The following SNX8 variants were observed in gnomAD, a reference collection of about 807,000 sequenced individuals.
SNX8 encodes sorting nexin 8.
SNX8 carries 25 observed loss-of-function variants against 51.6 expected under a neutral mutation model. That is an observed-to-expected ratio of 0.48 (90% CI 0.35 to 0.68). The LOEUF (loss-of-function observed/expected upper bound fraction) is 0.68. Ranked by LOEUF, SNX8 falls within the 30% of genes least tolerant of loss-of-function variation. The probability of loss-of-function intolerance (pLI) is 0.00; values close to 1 mark genes in which losing one functional copy is unlikely to be tolerated. For missense variants in SNX8, 695 were observed against 624.0 expected (o/e 1.11, Z -1.21); for synonymous variants, 324 against 277.0 (o/e 1.17, Z -1.68).
intron 4 of SNX8, among the ~76,000 whole-genome samples, chr7:2,271,208 C>T (rs1441399062): frequency 6.6e-6 from 1 of 152,156 alleles, no homozygotes; most frequent in African/African-American, 2.4e-5. Flanking sequence ...CATGCCTGGC[C>T]TCAGTTTTGT....
At chr7:2,310,557 G>A (rs1796639919) in intron 1 of SNX8, among the ~76,000 whole-genome samples, 2 of 152,128 alleles carry the variant, frequency 1.3e-5, no homozygotes, top group African/African-American at 4.8e-5. Flanking sequence ...CATGAGGTCA[G>A]GAGATCAAGA....
At chr7:2,326,461 C>T (rs1354386899) in intron 1 of SNX8, among the ~76,000 whole-genome samples, 1 of 151,238 alleles carries the variant, frequency 6.6e-6, no homozygotes, top group African/African-American at 2.4e-5. Context: ...GTCAGGAGAT[C>T]AAGACCATCC....
intron 1 of SNX8, among the ~76,000 whole-genome samples, chr7:2,348,950 CAAAAAAAAA>C (rs60816121): frequency 1.8e-5 from 1 of 55,744 alleles, no homozygotes; most frequent in African/African-American, 7.6e-5. Context: ...GACTCTGTCT[CAAAAAAAAA>C]AAAAAAAAAA....
chr7:2,270,901 CCT>C (rs1226315068), intron 4 of SNX8, among the ~76,000 whole-genome samples: 1 of 152,034 alleles, frequency 6.6e-6, no homozygotes, highest in Non-Finnish European at 1.5e-5. Flanking sequence ...AGCCTGGAAA[CCT>C]CTATTCCAGT....
chr7:2,252,585 C>T lies in SNX8; in HGVS notation c.*2471G>A, dbSNP rs113874332. The T allele has an allele frequency of 0.017, 2,545 of 153,136 alleles. 37 individuals are homozygous for T. The highest frequency in any genetic ancestry group is 0.027 in the Non-Finnish European group (1,869 of 68,622). The allele number at this position is 153,136 out of a possible 1,614,324, so 9.5% of individuals were successfully genotyped here. ...GGGCACACAGGAAGCAGCCACCACA[C>T]GTGGGAGACAGGCTGCCCTCGTCAC... is the stretch of plus-strand genomic sequence containing the variant. On this transcript the variant is annotated 3_prime_UTR_variant, in exon 11 of 11. Coordinates refer to ENST00000222990, the MANE Select transcript of SNX8 (RefSeq NM_013321.4).
In SNX8 at chr7:2,256,907, G is replaced by C. The variant is rs1489643549; in HGVS notation, c.1251C>G (p.Ala417=). The change falls in exon 10 of 11, where the codon GCC becomes GCG. Residue 417 remains alanine, a synonymous_variant. Coordinates refer to ENST00000222990, the MANE Select transcript of SNX8 (RefSeq NM_013321.4). The part of the protein sequence containing the change: ...YLPLTSHILR[A]FVNSQIQGHK... Reference sequence around the variant, plus strand: ...GCCCTTGGATCTGAGAGTTGACGAAGGCGCGGAGGATGTGGGAGGTGAGGG... The same window carrying C: ...GCCCTTGGATCTGAGAGTTGACGAACGCGCGGAGGATGTGGGAGGTGAGGG... 7.4e-6 allele frequency: 12 copies of C among 1,613,664 alleles called. No homozygotes were observed. Among genetic ancestry groups the C allele is most frequent in the Non-Finnish European group, 1.0e-5 (12 of 1,179,846 alleles).
intron 1 of SNX8, among the ~76,000 whole-genome samples, chr7:2,306,837 T>G (rs1796555054): frequency 6.6e-6 from 1 of 152,328 alleles, no homozygotes; most frequent in Non-Finnish European, 1.5e-5. Context: ...CTGGGTCTGA[T>G]GACAACTCAC....
At chr7:2,265,351 A>T (rs1393795322) in intron 5 of SNX8, among the ~76,000 whole-genome samples, 3 of 151,264 alleles carry the variant, frequency 2.0e-5, no homozygotes, top group Admixed American at 2.0e-4. Flanking sequence ...AAAACTAACA[A>T]TACTAATCTT....
intron 1 of SNX8, among the ~76,000 whole-genome samples, chr7:2,345,687 A>G (rs1779008535): frequency 6.6e-6 from 1 of 151,916 alleles, no homozygotes. Flanking sequence ...GTCCAAAAAA[A>G]AAAAAGAAGA....
At chr7:2,312,226 T>G (rs566865246) in intron 1 of SNX8, among the ~76,000 whole-genome samples, 1 of 152,204 alleles carries the variant, frequency 6.6e-6, no homozygotes, top group African/African-American at 2.4e-5. Flanking sequence ...CACAGCTCCC[T>G]CAGGTGTACA....
At chr7:2,296,241 A>G (rs138472728) in intron 1 of SNX8, among the ~76,000 whole-genome samples, 7,066 of 151,830 alleles carry the variant, frequency 0.047, 350 homozygotes, top group African/African-American at 0.1. Context: ...TGTGTCATCT[A>G]TGATTTATTT....
At chr7:2,277,767 A>G (rs1449919317) in intron 2 of SNX8, among the ~76,000 whole-genome samples, 1 of 151,724 alleles carries the variant, frequency 6.6e-6, no homozygotes, top group Admixed American at 6.6e-5. Flanking sequence ...AGATCATGCC[A>G]CTGCACTCCA....
At chr7:2,291,048 C>A (rs1584708517) in intron 1 of SNX8, among the ~76,000 whole-genome samples, 1 of 152,144 alleles carries the variant, frequency 6.6e-6, no homozygotes, top group East Asian at 1.9e-4. Context: ...AATCCCAGAA[C>A]TTTGGGAGGC....
At chr7:2,336,003 T>G (rs1304994849) in intron 1 of SNX8, among the ~76,000 whole-genome samples, 1 of 150,842 alleles carries the variant, frequency 6.6e-6, no homozygotes, top group Non-Finnish European at 1.5e-5. Flanking sequence ...CTTGAGAGGC[T>G]GAGACAGGAG....
At chr7:2,272,046 A>G in intron 3 of SNX8, 75 bp from the exon 4 acceptor site, 2 of 1,590,214 alleles carry the variant, frequency 1.3e-6, no homozygotes, top group Admixed American at 1.7e-5. Context: ...CGAGTTCTCA[A>G]AACTCTCCCT....
At chr7:2,278,480 C>T (rs943426616) in intron 1 of SNX8, among the ~76,000 whole-genome samples, 175 bp from the exon 2 acceptor site, 3 of 152,154 alleles carry the variant, frequency 2.0e-5, no homozygotes, top group African/African-American at 4.8e-5. Context: ...CCCATCTGTA[C>T]AAAAAATAAA....
intron 4 of SNX8, 46 bp from the exon 5 acceptor site, chr7:2,269,685 A>G (rs754160611): frequency 1.5e-6 from 2 of 1,340,060 alleles, no homozygotes; most frequent in Non-Finnish European, 2.1e-6. Context: ...ACTAGCAGCA[A>G]GAAAGCTGCT....
intron 1 of SNX8, among the ~76,000 whole-genome samples, chr7:2,347,934 G>T (rs1014296330): frequency 6.6e-6 from 1 of 151,976 alleles, no homozygotes; most frequent in East Asian, 1.9e-4. Flanking sequence ...GAGCCACCAC[G>T]CCTGGCCCAC....
At chr7:2,296,037 T>C (rs1796266984) in intron 1 of SNX8, among the ~76,000 whole-genome samples, 1 of 152,228 alleles carries the variant, frequency 6.6e-6, no homozygotes, top group Non-Finnish European at 1.5e-5. Context: ...TCATTCCTTT[T>C]GCTTAGGATT....
Sources: allele counts gnomAD v4.1 joint callset (sites outside exome capture counted in the v4.1 genomes callset), GRCh38; gene constraint gnomAD v4.1.1; transcripts MANE v1.5; gene names NCBI Gene and HGNC (gene_info 2026-07-23, HGNC 2026-07-21).